Variants in SNTN observed in about 807,000 individuals in gnomAD.
SNTN encodes sentan, cilia apical structure protein.
Under a neutral mutation model 12.3 loss-of-function variants are expected in SNTN, and 13 were observed. The ratio of observed to expected loss-of-function variants is 1.05; its 90% CI spans 0.69 to 1.67. The LOEUF (loss-of-function observed/expected upper bound fraction) is 1.67. Ranked by LOEUF, SNTN falls within the 40% of genes most tolerant of loss-of-function variation. SNTN has a pLI of 0.00. For synonymous variants in SNTN, 69 were observed against 58.5 expected (o/e 1.18, Z -0.82); for missense variants, 189 against 169.8 (o/e 1.11, Z -0.63).
At chr3:63,653,480 G>C (rs962000561) in intron 1 of SNTN, among the ~76,000 whole-genome samples, 1 of 152,052 alleles carries the variant, frequency 6.6e-6, no homozygotes, top group South Asian at 2.1e-4. Flanking sequence ...AGATAACACA[G>C]GGTCCAGCTT....
At chr3:63,658,035 G>C (rs1028464652) in intron 2 of SNTN, among the ~76,000 whole-genome samples, 1 of 152,058 alleles carries the variant, frequency 6.6e-6, no homozygotes, top group African/African-American at 2.4e-5. Flanking sequence ...AGAAAATCCT[G>C]ATTCCTTTAC....
intron 1 of SNTN, among the ~76,000 whole-genome samples, chr3:63,654,245 G>A (rs988248993): frequency 6.6e-6 from 1 of 152,178 alleles, no homozygotes; most frequent in Admixed American, 6.6e-5. Flanking sequence ...GGAAGGCTAA[G>A]CTGCTGGAAC....
intron 3 of SNTN, among the ~76,000 whole-genome samples, chr3:63,662,649 G>A (rs558538004): frequency 1.3e-5 from 2 of 152,262 alleles, no homozygotes; most frequent in African/African-American, 4.8e-5. Flanking sequence ...TCTCCTGGAG[G>A]GAGAGAGTAG....
chr3:63,653,076 T>G (rs1700637920), intron 1 of SNTN, among the ~76,000 whole-genome samples: 1 of 152,222 alleles, frequency 6.6e-6, no homozygotes, highest in Non-Finnish European at 1.5e-5. Context: ...GTGTAGCATA[T>G]TCTCTCAAAT....
chr3:63,664,116 T>C lies in SNTN; in HGVS notation c.*21T>C. On this transcript the variant is annotated 3_prime_UTR_variant, in exon 4 of 4. Transcript: ENST00000343837. ...AATGAACAGTTTTAAATATGCTGTATAAAATAATGGCAAAAGACAGTGTTA... is the reference window on the plus strand; with the variant it reads ...AATGAACAGTTTTAAATATGCTGTACAAAATAATGGCAAAAGACAGTGTTA... The C allele has an allele frequency of 6.4e-7, 1 of 1,564,604 alleles. No individual in the cohort carries two copies.
intron 2 of SNTN, among the ~76,000 whole-genome samples, chr3:63,659,137 A>T (rs938417304): frequency 1.3e-5 from 2 of 152,186 alleles, no homozygotes; most frequent in Non-Finnish European, 2.9e-5. Context: ...AGCACAGTGG[A>T]AAGAAACGAA....
In SNTN at chr3:63,664,592, G is replaced by C. The variant is rs1049176487; in HGVS notation, c.*497G>C. The C allele has an allele frequency of 6.6e-6, 1 of 151,580 alleles. No individual in the cohort carries two copies. The highest frequency in any genetic ancestry group is 6.6e-5 in the Admixed American group (1 of 15,224). 9.4% of individuals were successfully genotyped at this position (151,580 alleles called of 1,614,324 possible). On this transcript the variant is annotated 3_prime_UTR_variant, in exon 4 of 4. Transcript: ENST00000343837. ...ATAAGGGCTATAGGATGCTAAAAGA[G>C]ATTATCACCTGATCGGAGTTCAAAG...
intron 2 of SNTN, among the ~76,000 whole-genome samples, chr3:63,658,877 T>C (rs1014992789): frequency 6.6e-6 from 1 of 152,202 alleles, no homozygotes; most frequent in Non-Finnish European, 1.5e-5. Context: ...ATTCATTCAT[T>C]TAACAGCATT....
At chr3:63,654,897 T>A in intron 2 of SNTN, 101 bp downstream of exon 2, 1 of 1,056,402 alleles carries the variant, frequency 9.5e-7, no homozygotes, top group Non-Finnish European at 1.4e-6. Context: ...GCCAGAGATG[T>A]AAGGGAACTT....
At chr3:63,663,888 A>T in intron 3 of SNTN, 49 bp from the exon 4 acceptor site, 1 of 1,579,406 alleles carries the variant, frequency 6.3e-7, no homozygotes, top group Non-Finnish European at 8.6e-7. Flanking sequence ...TGATCTGTAA[A>T]CCTAAAGTCT....
At chr3:63,655,207 C>T (rs570408107) in intron 2 of SNTN, among the ~76,000 whole-genome samples, 1 of 152,246 alleles carries the variant, frequency 6.6e-6, no homozygotes, top group Admixed American at 6.5e-5. Context: ...AACAGTGTGG[C>T]CACCTCTCGA....
chr3:63,658,737 A>G (rs1050476742), intron 2 of SNTN, among the ~76,000 whole-genome samples: 12 of 152,136 alleles, frequency 7.9e-5, no homozygotes, highest in African/African-American at 2.4e-4. Context: ...TATTCTGGGA[A>G]GTAACAGGCA....
At chr3:63,662,778 C>T (rs746099410) in intron 3 of SNTN, among the ~76,000 whole-genome samples, 7 of 152,204 alleles carry the variant, frequency 4.6e-5, no homozygotes, top group Non-Finnish European at 1.0e-4. Flanking sequence ...TGGCTTTGTA[C>T]ACCTAGCACA....
intron 2 of SNTN, 27 bp from the exon 3 acceptor site, chr3:63,659,698 C>T (rs779467115): frequency 5.8e-5 from 94 of 1,613,176 alleles, no homozygotes; most frequent in Non-Finnish European, 7.3e-5. Context: ...ACTCAGGATA[C>T]TTTATTCCAC....
intron 3 of SNTN, among the ~76,000 whole-genome samples, chr3:63,662,175 C>G (rs898520848): frequency 4.6e-5 from 7 of 152,138 alleles, no homozygotes; most frequent in African/African-American, 1.7e-4. Flanking sequence ...GCTGCCTTGG[C>G]CCAACCGCCC....
rs376856449 is a variant in SNTN at position 63,653,383 on chromosome 3, C to T, written c.110+586C>T. Among the ~76,000 whole-genome samples the T allele has an allele frequency of 1.3e-4, 19 of 151,886 alleles. 1 individual carries two copies. The highest frequency in any genetic ancestry group is 8.3e-4 in the South Asian group (4 of 4,808). On this transcript the variant is annotated intron_variant, in intron 1 of 3. Transcript: ENST00000343837. ...CCAGTGCACATTGTGCAAAGTGAAA[C>T]GTCCTTCTTCTTATAAAGGAAATAA... is the stretch of plus-strand genomic sequence containing the variant.
rs762795997 is a variant in SNTN at position 63,659,741 on chromosome 3, A to G, written c.162A>G (p.Ser54=). 2 of 1,613,912 alleles carry G rather than the reference A, an allele frequency of 1.2e-6. No homozygotes were observed. Residue 54 remains serine, a synonymous_variant, in exon 3 of 4, where the codon TCA becomes TCG. Transcript: ENST00000343837. ...LASVKALRKC[S]DLEKAIATTA... The stretch of plus-strand genomic sequence containing the variant: ...CTCTCCTAGCTCTGAGGAAGTGCTC[A>G]GATCTGGAAAAAGCTATTGCCACCA...
intron 3 of SNTN, among the ~76,000 whole-genome samples, chr3:63,660,589 T>G (rs1301279122): frequency 6.6e-6 from 1 of 152,152 alleles, no homozygotes; most frequent in Admixed American, 6.6e-5. Context: ...GAACAAGATC[T>G]GACAATTGAT....
intron 1 of SNTN, among the ~76,000 whole-genome samples, chr3:63,653,823 T>G (rs776754249): frequency 2.0e-5 from 3 of 152,212 alleles, no homozygotes; most frequent in Admixed American, 6.5e-5. Flanking sequence ...CTTAGGATAA[T>G]AACTGGCATC....
Sources: gnomAD v4.1 joint callset for allele counts (sites outside exome capture counted in the v4.1 genomes callset) on GRCh38, gnomAD v4.1.1 for gene constraint, MANE v1.5 for transcripts, NCBI Gene and HGNC (gene_info 2026-07-23, HGNC 2026-07-21) for gene names.